Variants in NAV3 observed in about 807,000 individuals in gnomAD.
NAV3 encodes the protein neuron navigator 3.
In NAV3, 87 loss-of-function variants were observed where a neutral mutation model predicts 244.7. That is an observed-to-expected ratio of 0.36 (90% CI 0.30 to 0.42). The LOEUF is 0.42. NAV3 is among the 20% of genes least tolerant of loss of function. NAV3 has a pLI of 1.00. For synonymous variants in NAV3, 1,126 were observed against 1,042.2 expected, an observed-to-expected ratio of 1.08 and a Z score of -1.55; for missense variants, 2,663 against 2,893.3, an observed-to-expected ratio of 0.92 and a Z score of 1.83.
chr12:77,817,584 G>T (rs1007239761), intron 2 of NAV3, among the ~76,000 whole-genome samples: 1 of 151,930 alleles, frequency 6.6e-6, no homozygotes, highest in Non-Finnish European at 1.5e-5. Context: ...TTCACCTGAG[G>T]TTTCTCTAGC....
intron 2 of NAV3, among the ~76,000 whole-genome samples, chr12:77,677,599 A>T (rs556136297): frequency 1.1e-4 from 16 of 152,280 alleles, no homozygotes; most frequent in Admixed American, 7.2e-4. Flanking sequence ...TCTAAACTTC[A>T]TTGTCTTATC....
intron 5 of NAV3, among the ~76,000 whole-genome samples, chr12:77,978,066 T>G (rs1486874108): frequency 6.6e-6 from 1 of 152,200 alleles, no homozygotes; most frequent in Non-Finnish European, 1.5e-5. Flanking sequence ...TTTTCTTAAC[T>G]AAGTCAGAAT....
intron 2 of NAV3, among the ~76,000 whole-genome samples, chr12:77,735,010 TA>T: frequency 6.6e-6 from 1 of 152,214 alleles, no homozygotes; most frequent in African/African-American, 2.4e-5. Context: ...ATTTTCTCTC[TA>T]AAAAAAGCTA....
chr12:77,918,064 A>G (rs1887336634), intron 1 of NAV3, among the ~76,000 whole-genome samples: 1 of 152,096 alleles, frequency 6.6e-6, no homozygotes, highest in African/African-American at 2.4e-5. Flanking sequence ...AAATTGAATT[A>G]ATCAAAATAA....
intron 2 of NAV3, among the ~76,000 whole-genome samples, chr12:77,582,942 G>C (rs964027249): frequency 6.6e-6 from 1 of 152,200 alleles, no homozygotes; most frequent in Non-Finnish European, 1.5e-5. Flanking sequence ...TACAGCACTT[G>C]ATTTGTCTGA....
Position 77,894,803 on chromosome 12 carries a change from T to C in NAV3, c.244-45516T>C, listed in dbSNP as rs1884378883. Among the ~76,000 whole-genome samples, 3 of 152,308 alleles carry C rather than the reference T, an allele frequency of 2.0e-5. No individual in the cohort carries two copies. The South Asian group carries it at 6.2e-4, about 32-fold the overall frequency. On this transcript the variant is annotated intron_variant, in intron 1 of 39. Transcript: ENST00000397909. ...CGCTCATTGCTGACATGCAAGAATG[T>C]GGACTCAGTGTAGACAGATCTCATT...
chr12:77,697,061 G>A (rs1485270127), intron 2 of NAV3, among the ~76,000 whole-genome samples: 2 of 152,118 alleles, frequency 1.3e-5, no homozygotes, highest in Non-Finnish European at 2.9e-5. Context: ...TTCTGACCCA[G>A]TTTCCTTCTC....
chr12:78,212,996 A>ATT lies in NAV3; in HGVS notation c.*2480_*2481dup, dbSNP rs1462057056. 6.6e-6 allele frequency: 1 copy of ATT among 152,594 alleles called. No individual in the cohort carries two copies. The highest frequency in any genetic ancestry group is 1.5e-5 in the Non-Finnish European group (1 of 68,020). The allele number at this position is 152,594 out of a possible 1,614,324, so 9.5% of individuals were successfully genotyped here. On this transcript the variant is annotated 3_prime_UTR_variant, in exon 40 of 40. Coordinates refer to ENST00000397909, the MANE Select transcript of NAV3 (RefSeq NM_001024383.2). Reference sequence around the variant, plus strand: ...ATTATTACTTTGCCATTAAAGTGGAATTATTTATTGACAACATGGTGTGGT... The same window carrying ATT: ...ATTATTACTTTGCCATTAAAGTGGAATTTTATTTATTGACAACATGGTGTGGT...
intron 9 of NAV3, among the ~76,000 whole-genome samples, chr12:78,026,464 G>C (rs1207113743): frequency 6.6e-6 from 1 of 152,020 alleles, no homozygotes; most frequent in African/African-American, 2.4e-5. Context: ...CCTTTTTAAT[G>C]CCTCACACCT....
intron 31 of NAV3, among the ~76,000 whole-genome samples, chr12:78,186,847 G>A (rs1212023653): frequency 6.6e-6 from 1 of 151,772 alleles, no homozygotes; most frequent in Non-Finnish European, 1.5e-5. Flanking sequence ...TCCTGGTGAG[G>A]GCTCTCTTTT....
rs766000550 is a variant in NAV3, at chr12:78,118,171, C to G, written c.2914C>G (p.Pro972Ala). Residue 972 changes from proline to alanine, a missense_variant, in exon 14 of 40, where the codon CCC (proline) becomes GCC (alanine). Transcript: ENST00000397909. ...TGTGTCCTCTGGACTTCCTGAAGAC[C>G]CCGAGAAGGCAGGGCAGAAAGCTTC... ...KTVSSGLPEDPEKAGQKASLS... is the reference protein window; with the variant it reads ...KTVSSGLPEDAEKAGQKASLS... 3 of 1,613,676 alleles carry G rather than the reference C, an allele frequency of 1.9e-6. No homozygotes were observed. The African/African-American group carries it at 4.0e-5, about 22-fold the overall frequency.
intron 2 of NAV3, among the ~76,000 whole-genome samples, chr12:77,610,387 C>T (rs995764909): frequency 6.6e-6 from 1 of 151,932 alleles, no homozygotes; most frequent in African/African-American, 2.4e-5. Flanking sequence ...TGGATAAGTG[C>T]CTTTGGTAGT....
intron 3 of NAV3, among the ~76,000 whole-genome samples, chr12:77,951,567 T>G (rs1461464331): frequency 6.6e-6 from 1 of 152,072 alleles, no homozygotes; most frequent in Admixed American, 6.6e-5. Context: ...TCCTGTTACT[T>G]GGTATATACC....
chr12:78,140,870 T>C (rs1217351187), intron 20 of NAV3, among the ~76,000 whole-genome samples: 1 of 151,248 alleles, frequency 6.6e-6, no homozygotes. Context: ...TTTTTAACTT[T>C]TATTTTTATT....
intron 12 of NAV3, among the ~76,000 whole-genome samples, chr12:78,096,936 T>G (rs948670866): frequency 2.0e-5 from 3 of 152,166 alleles, no homozygotes; most frequent in Non-Finnish European, 4.4e-5. Context: ...ACCCTTTCTG[T>G]GCATGCACTC....
intron 2 of NAV3, among the ~76,000 whole-genome samples, chr12:77,665,591 T>A (rs182457520): frequency 6.6e-6 from 1 of 152,332 alleles, no homozygotes; most frequent in East Asian, 1.9e-4. Context: ...GATCTCATAA[T>A]GTCTTTAAAA....
intron 2 of NAV3, among the ~76,000 whole-genome samples, chr12:77,603,292 T>C (rs1190404543): frequency 6.6e-6 from 1 of 152,026 alleles, no homozygotes; most frequent in Admixed American, 6.6e-5. Flanking sequence ...TAACTAAGAT[T>C]AGGGGCTGCA....
chr12:77,743,517 C>T lies in NAV3; in HGVS notation c.72+171251C>T, dbSNP rs541486373. 4.6e-5 allele frequency among the ~76,000 whole-genome samples: 7 copies of T among 151,858 alleles called. 1 individual carries two copies. The South Asian group carries it at 1.2e-3, about 27-fold the overall frequency. On this transcript the variant is annotated intron_variant, in intron 2 of 8. Coordinates refer to the NAV3 transcript ENST00000550042. ...TGTACTCAAATATTCATAGATACAT[C>T]ATTCAGAATTTTCAGAAACTAGAAA...
intron 3 of NAV3, among the ~76,000 whole-genome samples, chr12:77,961,570 A>G (rs1359042684): frequency 2.9e-5 from 4 of 136,728 alleles, no homozygotes; most frequent in Non-Finnish European, 6.1e-5. Context: ...ATTAAAGTAA[A>G]TATTATATAT....
Sources: gnomAD v4.1 joint callset for allele counts (sites outside exome capture counted in the v4.1 genomes callset) on GRCh38, gnomAD v4.1.1 for gene constraint, MANE v1.5 for transcripts, NCBI Gene and HGNC (gene_info 2026-07-23, HGNC 2026-07-21) for gene names.